Variants in UTS2B observed in about 807,000 individuals in gnomAD.
The protein encoded by UTS2B is urotensin 2B.
A neutral mutation model predicts 19.2 loss-of-function variants in UTS2B; 21 were observed. That is an observed-to-expected ratio of 1.09 (90% CI 0.78 to 1.58). The LOEUF (loss-of-function observed/expected upper bound fraction) is 1.58. UTS2B is among the 40% of genes most tolerant of loss of function. The pLI, the probability that UTS2B is intolerant of heterozygous loss-of-function variation, is 0.00. For synonymous variants in UTS2B, 57 were observed against 50.2 expected (o/e 1.14, Z -0.58); for missense variants, 138 against 130.3 (o/e 1.06, Z -0.29).
chr3:191,339,944 G>A, the UTS2B span, among the ~76,000 whole-genome samples: 1 of 152,152 alleles, frequency 6.6e-6, no homozygotes, highest in African/African-American at 2.4e-5. Flanking sequence ...AGTGAAATCA[G>A]CAGCAGCAAT....
Position 191,268,063 on chromosome 3 carries a change from A to G in UTS2B, c.*353T>C, listed in dbSNP as rs547048153. 6.4e-4 allele frequency: 105 copies of G among 163,886 alleles called. No homozygotes were observed. Among genetic ancestry groups the G allele is most frequent in the African/African-American group, 2.4e-3 (99 of 41,922 alleles). The allele number at this position is 163,886 out of a possible 1,614,324, so 10.2% of individuals were successfully genotyped here. A position where few individuals can be genotyped will look rare whatever the true frequency, so the allele number is the denominator to read the frequency against. On this transcript the variant is annotated 3_prime_UTR_variant, in exon 9 of 9. Coordinates refer to ENST00000340524, the MANE Select transcript of UTS2B (RefSeq NM_198152.5). Reference sequence around the variant, plus strand: ...ACAACCCTATCTTATCCATATGGACAGGCGCCTTCCATGCATCCGTTTATA... The same window carrying G: ...ACAACCCTATCTTATCCATATGGACGGGCGCCTTCCATGCATCCGTTTATA...
chr3:191,281,234 G>A (rs1004301545), intron 5 of UTS2B, among the ~76,000 whole-genome samples: 10 of 152,066 alleles, frequency 6.6e-5, no homozygotes, highest in African/African-American at 2.4e-4. Context: ...TTCCTGACAA[G>A]GAAGTCAGAG....
rs200123083 is a variant in UTS2B at position 191,275,307 on chromosome 3, A to G, written c.279T>C (p.Asp93=). The change falls in exon 8 of 9, where the codon GAT becomes GAC. Residue 93 remains aspartate, a synonymous_variant. Coordinates refer to ENST00000340524, the MANE Select transcript of UTS2B (RefSeq NM_198152.5). Reference sequence around the variant, plus strand: ...CATCTACAGCATAGGACGTCTCAGAATCCTTCTCCTCCACTAGCTGTTCTT... The same window carrying G: ...CATCTACAGCATAGGACGTCTCAGAGTCCTTCTCCTCCACTAGCTGTTCTT... The part of the protein sequence containing the change: ...KLKEQLVEEK[D]SETSYAVDGL... 9.3e-6 allele frequency: 15 copies of G among 1,613,736 alleles called. No individual in the cohort carries two copies. Among genetic ancestry groups the G allele is most frequent in the Non-Finnish European group, 1.3e-5 (15 of 1,179,812 alleles).
chr3:191,318,316 A>G (rs981876947), intron 2 of UTS2B, among the ~76,000 whole-genome samples: 1 of 152,194 alleles, frequency 6.6e-6, no homozygotes, highest in African/African-American at 2.4e-5. Flanking sequence ...GCAAAACAAA[A>G]TCTTGAGGAA....
At chr3:191,330,329 A>ACACAC in intron 1 of UTS2B, 85 bp downstream of exon 1, 1 of 148,530 alleles carries the variant, frequency 6.7e-6, no homozygotes, top group Non-Finnish European at 1.5e-5. Flanking sequence ...ACACACACAC[A>ACACAC]ATAGTGAGCG....
the UTS2B span, among the ~76,000 whole-genome samples, chr3:191,345,688 A>T: frequency 6.6e-6 from 1 of 152,172 alleles, no homozygotes; most frequent in African/African-American, 2.4e-5. Flanking sequence ...CTTGCCAAAC[A>T]AGTGGTTTAG....
upstream of UTS2B, among the ~76,000 whole-genome samples, chr3:191,331,505 G>T (rs1457372212): frequency 2.0e-5 from 3 of 152,112 alleles, no homozygotes; most frequent in African/African-American, 7.2e-5. Flanking sequence ...ACGGTGTTTG[G>T]CAATCTCTTT....
intron 5 of UTS2B, among the ~76,000 whole-genome samples, chr3:191,279,826 T>A (rs928540306): frequency 6.6e-6 from 1 of 152,080 alleles, no homozygotes; most frequent in Non-Finnish European, 1.5e-5. Flanking sequence ...ATTTCTAAAG[T>A]AAGATATTGG....
intron 1 of UTS2B, chr3:191,329,741 A>C (rs1387856268): frequency 6.2e-7 from 1 of 1,606,086 alleles, no homozygotes; most frequent in Non-Finnish European, 8.5e-7. Context: ...CCCCGGAGGG[A>C]GAGCGCGCGG....
At chr3:191,339,391 C>G in the UTS2B span, among the ~76,000 whole-genome samples, 2 of 152,036 alleles carry the variant, frequency 1.3e-5, no homozygotes, top group African/African-American at 4.8e-5. Context: ...AATTTTGACT[C>G]TATATAAAAA....
intron 3 of UTS2B, among the ~76,000 whole-genome samples, chr3:191,310,199 C>A (rs973686226): frequency 6.6e-6 from 1 of 151,916 alleles, no homozygotes; most frequent in Non-Finnish European, 1.5e-5. Context: ...CTCCTGAACT[C>A]ATGTGATCCC....
intron 2 of UTS2B, among the ~76,000 whole-genome samples, chr3:191,319,401 G>A (rs764387802): frequency 2.1e-4 from 32 of 152,134 alleles, no homozygotes; most frequent in Non-Finnish European, 4.1e-4. Context: ...TAAATGGCTC[G>A]TAAACAAAAA....
chr3:191,312,495 C>G (rs1717330750), intron 3 of UTS2B, among the ~76,000 whole-genome samples: 1 of 152,110 alleles, frequency 6.6e-6, no homozygotes, highest in South Asian at 2.1e-4. Context: ...TTCCTGGCCT[C>G]AGGGACCCAT....
intron 7 of UTS2B, 29 bp from the exon 8 acceptor site, chr3:191,275,374 TG>T (rs762239865): frequency 4.4e-6 from 7 of 1,576,716 alleles, no homozygotes; most frequent in Middle Eastern, 1.7e-4. Context: ...GATAATTAAT[TG>T]GTCTTCTATA....
intron 4 of UTS2B, among the ~76,000 whole-genome samples, chr3:191,287,926 T>C (rs926875378): frequency 2.6e-5 from 4 of 152,144 alleles, no homozygotes; most frequent in Non-Finnish European, 5.9e-5. Context: ...TTAGAAATAC[T>C]ATGTGAGTTC....
At chr3:191,339,923 A>T in the UTS2B span, among the ~76,000 whole-genome samples, 1 of 152,336 alleles carries the variant, frequency 6.6e-6, no homozygotes, top group African/African-American at 2.4e-5. Flanking sequence ...GTTATCTTGG[A>T]TGCTAGAAAT....
chr3:191,310,867 A>C (rs1404690329), intron 3 of UTS2B, among the ~76,000 whole-genome samples: 1 of 152,202 alleles, frequency 6.6e-6, no homozygotes, highest in Non-Finnish European at 1.5e-5. Flanking sequence ...ATATTTGACA[A>C]GGGGGTCACT....
At chr3:191,306,038 G>A (rs1292081336) in intron 3 of UTS2B, among the ~76,000 whole-genome samples, 7 of 152,062 alleles carry the variant, frequency 4.6e-5, no homozygotes, top group African/African-American at 1.7e-4. Flanking sequence ...GTCTGTTCTT[G>A]TACCACTACC....
chr3:191,319,380 T>A (rs572943987), intron 2 of UTS2B, among the ~76,000 whole-genome samples: 1 of 152,362 alleles, frequency 6.6e-6, no homozygotes, highest in Non-Finnish European at 1.5e-5. Flanking sequence ...TGGACATTTA[T>A]CTGTAATAAA....
Sources: allele counts gnomAD v4.1 joint callset (sites outside exome capture counted in the v4.1 genomes callset), GRCh38; gene constraint gnomAD v4.1.1; transcripts MANE v1.5; gene names NCBI Gene and HGNC (gene_info 2026-07-23, HGNC 2026-07-21).